Variants in HYCC1 observed in about 807,000 individuals in gnomAD.
HYCC1 encodes hyccin PI4KA lipid kinase complex subunit 1, also known as hyccin.
At chr7:22,931,629 A>G in the HYCC1 span, among the ~76,000 whole-genome samples, 3 of 152,186 alleles carry the variant, frequency 2.0e-5, no homozygotes, top group African/African-American at 4.8e-5. Context: ...CTCAAAGGAA[A>G]AGAAGAGAAT....
At chr7:23,003,865 A>G in the HYCC1 span, among the ~76,000 whole-genome samples, 1 of 152,236 alleles carries the variant, frequency 6.6e-6, no homozygotes, top group Admixed American at 6.5e-5. Context: ...ATGTGTGCTA[A>G]TAGGGCCATA....
the HYCC1 span, chr7:22,945,733 AG>A: frequency 6.2e-7 from 1 of 1,613,852 alleles, no homozygotes; most frequent in Non-Finnish European, 8.5e-7. Context: ...CATCTGTCCC[AG>A]CCCCACAACC....
At chr7:23,001,907 TA>T in the HYCC1 span, among the ~76,000 whole-genome samples, 4 of 151,668 alleles carry the variant, frequency 2.6e-5, no homozygotes, top group African/African-American at 9.7e-5. Context: ...TTTTTTTTTT[TA>T]ATTCTGGGGC....
chr7:22,987,028 C>T, the HYCC1 span, among the ~76,000 whole-genome samples: 53,229 of 151,902 alleles, frequency 0.35, 9,391 homozygotes, highest in East Asian at 0.47. Flanking sequence ...CAACATCACA[C>T]ATAAGATTTG....
chr7:22,948,311 T>A, the HYCC1 span, among the ~76,000 whole-genome samples: 1 of 152,038 alleles, frequency 6.6e-6, no homozygotes, highest in African/African-American at 2.4e-5. Flanking sequence ...ATTATCAGAC[T>A]CCCACTAATG....
the HYCC1 span, among the ~76,000 whole-genome samples, chr7:22,987,509 C>G: frequency 6.6e-6 from 1 of 152,332 alleles, no homozygotes; most frequent in East Asian, 1.9e-4. Flanking sequence ...GACTGTGCCA[C>G]TGCACTCCAG....
chr7:22,928,588 T>C, the HYCC1 span, among the ~76,000 whole-genome samples: 1 of 152,170 alleles, frequency 6.6e-6, no homozygotes, highest in African/African-American at 2.4e-5. Flanking sequence ...CATTCACAAT[T>C]GCTTCAAAGA....
At chr7:22,984,229 T>C in the HYCC1 span, among the ~76,000 whole-genome samples, 1 of 152,144 alleles carries the variant, frequency 6.6e-6, no homozygotes, top group East Asian at 1.9e-4. Flanking sequence ...GATGCTGGCA[T>C]TGGTTGTACA....
the HYCC1 span, chr7:22,947,126 C>A: frequency 6.4e-7 from 1 of 1,550,490 alleles, no homozygotes; most frequent in Non-Finnish European, 8.7e-7. Flanking sequence ...GAGCATCAAT[C>A]TCTCCTAGTG....
At chr7:22,957,697 TG>T in the HYCC1 span, among the ~76,000 whole-genome samples, 1 of 151,886 alleles carries the variant, frequency 6.6e-6, no homozygotes, top group Non-Finnish European at 1.5e-5. Context: ...CTGTGAGGGT[TG>T]GTGTGGTGAG....
At chr7:22,950,193 T>G in the HYCC1 span, among the ~76,000 whole-genome samples, 48 of 152,134 alleles carry the variant, frequency 3.2e-4, no homozygotes, top group South Asian at 1.0e-3. Flanking sequence ...CACATCTTTT[T>G]CAAAAATTTC....
At chr7:22,921,523 A>G in the HYCC1 span, among the ~76,000 whole-genome samples, 95 of 152,316 alleles carry the variant, frequency 6.2e-4, no homozygotes, top group African/African-American at 2.1e-3. Flanking sequence ...TTTGGTATGT[A>G]TAACAACAAT....
the HYCC1 span, among the ~76,000 whole-genome samples, chr7:22,990,792 A>G: frequency 6.6e-6 from 1 of 152,226 alleles, no homozygotes; most frequent in African/African-American, 2.4e-5. Flanking sequence ...TGACATCAAC[A>G]TTCAGAGACT....
the HYCC1 span, among the ~76,000 whole-genome samples, chr7:22,997,955 C>T: frequency 6.6e-6 from 1 of 152,100 alleles, no homozygotes; most frequent in African/African-American, 2.4e-5. Flanking sequence ...TGGCAACCAG[C>T]CCAGTGTGTT....
chr7:22,992,206 C>T, the HYCC1 span, among the ~76,000 whole-genome samples: 6 of 151,906 alleles, frequency 3.9e-5, no homozygotes, highest in Admixed American at 1.3e-4. Flanking sequence ...TAATGAACAA[C>T]GCAGGTTCTT....
the HYCC1 span, among the ~76,000 whole-genome samples, chr7:22,946,556 G>T: frequency 6.6e-6 from 1 of 151,774 alleles, no homozygotes; most frequent in East Asian, 1.9e-4. Flanking sequence ...TAAAAAATTG[G>T]TATTAGAATA....
chr7:22,945,914 T>G, the HYCC1 span: 1 of 1,613,926 alleles, frequency 6.2e-7, no homozygotes, highest in Non-Finnish European at 8.5e-7. Context: ...ATTCTCACTT[T>G]GGGCTCTCTG....
chr7:22,977,345 T>C, the HYCC1 span: 1 of 1,562,966 alleles, frequency 6.4e-7, no homozygotes, highest in Non-Finnish European at 8.8e-7. Flanking sequence ...ACTTACTTCA[T>C]GGTATACAGA....
chr7:22,977,836 A>G, the HYCC1 span, among the ~76,000 whole-genome samples: 1 of 152,340 alleles, frequency 6.6e-6, no homozygotes, highest in Admixed American at 6.5e-5. Context: ...TCTATTAGTA[A>G]TGCAAGCCGT....
Sources: allele counts gnomAD v4.1 joint callset (sites outside exome capture counted in the v4.1 genomes callset), GRCh38; gene constraint gnomAD v4.1.1; transcripts MANE v1.5; gene names NCBI Gene and HGNC (gene_info 2026-07-23, HGNC 2026-07-21).